Variants in DOK6 observed in about 807,000 individuals in gnomAD.
The protein encoded by DOK6 is docking protein 6, also known as downstream of tyrosine kinase 6.
In DOK6, 22 loss-of-function variants were observed where a neutral mutation model predicts 44.0. The observed-to-expected ratio is 0.50, with a 90% CI of 0.36 to 0.71. The LOEUF is 0.71. Among genes scored for constraint, DOK6 ranks in the 30% least tolerant of loss-of-function variants. The pLI is 0.00. For missense variants in DOK6, 340 were observed against 416.4 expected, an observed-to-expected ratio of 0.82 and a Z score of 1.60; for synonymous variants, 166 against 145.5, an observed-to-expected ratio of 1.14 and a Z score of -1.01.
intron 3 of DOK6, among the ~76,000 whole-genome samples, chr18:69,604,073 C>T (rs952810221): frequency 1.4e-4 from 22 of 152,036 alleles, no homozygotes; most frequent in Non-Finnish European, 2.6e-4. Context: ...TAATTTGAAT[C>T]CATAATTTAA....
At chr18:69,707,133 G>A (rs1432802621) in intron 5 of DOK6, among the ~76,000 whole-genome samples, 2 of 152,172 alleles carry the variant, frequency 1.3e-5, no homozygotes, top group Non-Finnish European at 2.9e-5. Context: ...TACAAGGGAC[G>A]TGAAGGACCT....
intron 1 of DOK6, among the ~76,000 whole-genome samples, chr18:69,429,003 C>T (rs1978721935): frequency 6.6e-6 from 1 of 152,146 alleles, no homozygotes; most frequent in African/African-American, 2.4e-5. Flanking sequence ...AATGAATGTA[C>T]TCATGATGAA....
At chr18:69,410,638 T>A (rs1978302018) in intron 1 of DOK6, among the ~76,000 whole-genome samples, 1 of 152,194 alleles carries the variant, frequency 6.6e-6, no homozygotes, top group Non-Finnish European at 1.5e-5. Flanking sequence ...CGAACGTGAG[T>A]AAATCCTTTC....
chr18:69,757,778 C>G lies in DOK6; in HGVS notation c.761C>G (p.Pro254Arg), dbSNP rs1393792821. Residue 254 changes from proline to arginine, a missense_variant, in exon 7 of 8, where the codon CCA becomes CGA. Pro to Arg is a moderately radical substitution (Grantham distance 103). Around this residue, in one of 3 missense-constraint regions of DOK6, gnomAD observed 112 missense variants for 109.3 expected, o/e 1.02. Coordinates refer to ENST00000382713, the MANE Select transcript of DOK6 (RefSeq NM_152721.6). ...KARLQTSLTEPMTLSKSISLP... is the reference protein window; with the variant it reads ...KARLQTSLTERMTLSKSISLP... ...TAGCTTCAGACAAGCTTGACTGAACCAATGACATTATCCAAATCAATATCT... is the reference window on the plus strand; with the variant it reads ...TAGCTTCAGACAAGCTTGACTGAACGAATGACATTATCCAAATCAATATCT... 19 of 1,613,970 alleles carry G rather than the reference C, an allele frequency of 1.2e-5. No homozygotes were observed. In the East Asian group the frequency reaches 4.2e-4, roughly 36 times the overall value.
At chr18:69,706,501 C>A (rs1251516203) in intron 5 of DOK6, among the ~76,000 whole-genome samples, 2 of 151,768 alleles carry the variant, frequency 1.3e-5, no homozygotes, top group African/African-American at 2.4e-5. Context: ...TTTGTCCATA[C>A]AATCAAGAAA....
At chr18:69,754,986 T>C (rs1208093061) in intron 6 of DOK6, among the ~76,000 whole-genome samples, 2 of 152,184 alleles carry the variant, frequency 1.3e-5, no homozygotes, top group African/African-American at 4.8e-5. Flanking sequence ...AATGGGGGAC[T>C]AGATTTGTAT....
chr18:69,546,492 C>G (rs73970164), intron 1 of DOK6, among the ~76,000 whole-genome samples: 7,835 of 151,336 alleles, frequency 0.052, 686 homozygotes, highest in African/African-American at 0.17. Context: ...TAAATAAAAC[C>G]AACCCTTCGA....
intron 5 of DOK6, among the ~76,000 whole-genome samples, chr18:69,702,315 A>G (rs913140706): frequency 1.3e-5 from 2 of 152,160 alleles, no homozygotes; most frequent in African/African-American, 4.8e-5. Context: ...AGGTGTACAC[A>G]GTAGGTTTTT....
At chr18:69,805,586 T>C (rs1025191685) in intron 7 of DOK6, among the ~76,000 whole-genome samples, 5 of 152,172 alleles carry the variant, frequency 3.3e-5, no homozygotes, top group Non-Finnish European at 5.9e-5. Context: ...TGTTCTTCAC[T>C]TGATATTCCA....
At position 69,548,290 on chromosome 18, in the gene DOK6, G is replaced by A. The variant is rs74804549; in HGVS notation, c.67-16197G>A. 2.0e-3 allele frequency among the ~76,000 whole-genome samples: 309 copies of A among 151,476 alleles called. 1 individual carries two copies. Among genetic ancestry groups the A allele is most frequent in the African/African-American group, 7.0e-3 (291 of 41,440 alleles). On this transcript the variant is annotated intron_variant, in intron 1 of 7. Transcript: ENST00000382713. ...TTTTTTAATCCAGTTGTCCATTGACGGACACTTAGGTTGATTCTACATCTT... is the reference window on the plus strand; with the variant it reads ...TTTTTTAATCCAGTTGTCCATTGACAGACACTTAGGTTGATTCTACATCTT...
At chr18:69,588,710 G>C (rs145612942) in intron 2 of DOK6, among the ~76,000 whole-genome samples, 2 of 152,234 alleles carry the variant, frequency 1.3e-5, no homozygotes, top group East Asian at 3.9e-4. Context: ...TCAGGTTCTG[G>C]TAAGAGTGAA....
Position 69,844,393 on chromosome 18 carries a change from G to A in DOK6, c.*3010G>A, listed in dbSNP as rs529171695. The A allele has an allele frequency of 1.3e-5, 2 of 152,188 alleles. No homozygotes were observed. Among genetic ancestry groups the A allele is most frequent in the Non-Finnish European group, 2.9e-5 (2 of 68,010 alleles). The allele number at this position is 152,188 out of a possible 1,614,324, so 9.4% of individuals were successfully genotyped here. On this transcript the variant is annotated 3_prime_UTR_variant, in exon 8 of 8. Coordinates refer to ENST00000382713, the MANE Select transcript of DOK6 (RefSeq NM_152721.6). ...AATAGCAGTTCTGAAAATAGACAAA[G>A]CCTAGAGGAGGTATCTATTTCACTG...
intron 6 of DOK6, among the ~76,000 whole-genome samples, chr18:69,741,621 CA>C (rs1978801256): frequency 6.6e-6 from 1 of 152,098 alleles, no homozygotes; most frequent in Non-Finnish European, 1.5e-5. Flanking sequence ...CCTCAGCCCC[CA>C]ACTAGCTGGT....
At chr18:69,556,218 C>T (rs1982681916) in intron 1 of DOK6, among the ~76,000 whole-genome samples, 1 of 152,182 alleles carries the variant, frequency 6.6e-6, no homozygotes, top group Non-Finnish European at 1.5e-5. Flanking sequence ...CTCCAGCCAC[C>T]TTGTTCTGAT....
intron 1 of DOK6, among the ~76,000 whole-genome samples, chr18:69,507,131 A>C (rs746907778): frequency 2.0e-5 from 3 of 151,884 alleles, no homozygotes; most frequent in Non-Finnish European, 2.9e-5. Flanking sequence ...GGGTTCAAGC[A>C]ATTCCCCTGC....
rs2144674794 is a variant in DOK6 at position 69,664,588 on chromosome 18, T to C, written c.290-13146T>C. Among the ~76,000 whole-genome samples, 2 of 152,212 alleles carry C rather than the reference T, an allele frequency of 1.3e-5. 1 individual carries two copies. ...CCACTAGCGGCCCTCTTCTTGGAAA[T>C]AAACAAAGATACTCATCACATTCCT... is the stretch of plus-strand genomic sequence containing the variant. On this transcript the variant is annotated intron_variant, in intron 3 of 7. Coordinates refer to ENST00000382713, the MANE Select transcript of DOK6 (RefSeq NM_152721.6).
chr18:69,625,931 A>T (rs1225213648), intron 3 of DOK6, among the ~76,000 whole-genome samples: 1 of 152,210 alleles, frequency 6.6e-6, no homozygotes, highest in African/African-American at 2.4e-5. Context: ...GAACCAGGGG[A>T]ATTCTGACAT....
intron 3 of DOK6, among the ~76,000 whole-genome samples, chr18:69,615,904 C>T (rs563256710): frequency 1.3e-5 from 2 of 152,228 alleles, no homozygotes; most frequent in South Asian, 2.1e-4. Context: ...GAACTGATTT[C>T]ATTTAGGATG....
chr18:69,752,235 G>T (rs1979206969), intron 6 of DOK6, among the ~76,000 whole-genome samples: 1 of 151,854 alleles, frequency 6.6e-6, no homozygotes, highest in Non-Finnish European at 1.5e-5. Context: ...CATATGAAAG[G>T]ACTTATAAAA....
Sources: gnomAD v4.1 joint callset for allele counts (sites outside exome capture counted in the v4.1 genomes callset) on GRCh38, gnomAD v4.1.1 for gene constraint, gnomAD v4.1.1 regional missense constraint, MANE v1.5 for transcripts, NCBI Gene and HGNC (gene_info 2026-07-23, HGNC 2026-07-21) for gene names.